Variants in ZFHX3 observed in about 807,000 individuals in gnomAD.
The protein encoded by ZFHX3 is zinc finger homeobox 3.
ZFHX3 carries 42 observed loss-of-function variants against 279.1 expected under a neutral mutation model. The observed-to-expected ratio is 0.15, with a 90% CI of 0.12 to 0.19. ZFHX3 has a LOEUF of 0.19. ZFHX3 is among the 10% of genes least tolerant of loss of function. The pLI, the probability that ZFHX3 is intolerant of heterozygous loss-of-function variation, is 1.00. For synonymous variants in ZFHX3, 2,293 were observed against 1,957.8 expected (o/e 1.17, Z -4.52); for missense variants, 4,981 against 4,754.0 (o/e 1.05, Z -1.40).
chr16:73,562,728 G>C (rs1424385329), intron 2 of ZFHX3, among the ~76,000 whole-genome samples: 2 of 138,778 alleles, frequency 1.4e-5, no homozygotes, highest in South Asian at 4.6e-4. Flanking sequence ...AAAAAAAAAA[G>C]AACAGACAAA....
chr16:73,875,106 A>G (rs1255623658), intron 1 of ZFHX3, among the ~76,000 whole-genome samples: 1 of 152,226 alleles, frequency 6.6e-6, no homozygotes, highest in African/African-American at 2.4e-5. Context: ...AATGTTTAAA[A>G]TGTTAATAAT....
intron 4 of ZFHX3, among the ~76,000 whole-genome samples, chr16:72,858,369 C>G (rs1454940307): frequency 1.3e-5 from 2 of 152,208 alleles, no homozygotes; most frequent in Non-Finnish European, 2.9e-5. Context: ...GAACACATTA[C>G]TTGGCAGAAA....
intron 4 of ZFHX3, among the ~76,000 whole-genome samples, chr16:73,318,036 A>G (rs930371682): frequency 2.0e-5 from 3 of 152,244 alleles, no homozygotes; most frequent in African/African-American, 4.8e-5. Context: ...TACAGAGGAT[A>G]AGAATGCAAA....
Position 72,783,877 on chromosome 16 carries a change from T to C in ZFHX3, c.*3287A>G, listed in dbSNP as rs1397631878. ...CAAACAGTTGAGCATTGTAGTGAAT[T>C]CATGCTTTGTAAATAGTACTGGTCA... On this transcript the variant is annotated 3_prime_UTR_variant, in exon 10 of 10. Transcript: ENST00000268489. The C allele has an allele frequency of 6.6e-6, 1 of 152,236 alleles. No individual in the cohort carries two copies. The highest frequency in any genetic ancestry group is 1.9e-4 in the East Asian group (1 of 5,202). The allele number at this position is 152,236 out of a possible 1,614,324, so 9.4% of individuals were successfully genotyped here.
chr16:73,803,511 T>C (rs1303403254), intron 1 of ZFHX3, among the ~76,000 whole-genome samples: 1 of 152,236 alleles, frequency 6.6e-6, no homozygotes, highest in Non-Finnish European at 1.5e-5. Flanking sequence ...TTTGACATGA[T>C]AATCACATTT....
chr16:72,946,140 C>G (rs1035418888), intron 3 of ZFHX3, among the ~76,000 whole-genome samples: 9 of 152,220 alleles, frequency 5.9e-5, no homozygotes, highest in Non-Finnish European at 1.0e-4. Flanking sequence ...TTCTTCCGTA[C>G]TGCACAATCC....
At chr16:72,995,979 C>G (rs757239121) in intron 1 of ZFHX3, among the ~76,000 whole-genome samples, 5 of 152,172 alleles carry the variant, frequency 3.3e-5, no homozygotes, top group Non-Finnish European at 7.3e-5. Context: ...TTCATACGTT[C>G]TTTTACTGCC....
chr16:73,253,759 C>G (rs1473338790), intron 5 of ZFHX3, among the ~76,000 whole-genome samples: 1 of 152,010 alleles, frequency 6.6e-6, no homozygotes, highest in Non-Finnish European at 1.5e-5. Context: ...CCAGCCGGTT[C>G]TACGATTTTC....
chr16:73,701,951 A>G (rs2053252393), intron 1 of ZFHX3, among the ~76,000 whole-genome samples: 1 of 152,170 alleles, frequency 6.6e-6, no homozygotes, highest in South Asian at 2.1e-4. Flanking sequence ...GGAGAAGAGA[A>G]GCAAAAGGGT....
chr16:72,881,165 C>G (rs988882451), intron 4 of ZFHX3, among the ~76,000 whole-genome samples: 1 of 152,216 alleles, frequency 6.6e-6, no homozygotes, highest in Non-Finnish European at 1.5e-5. Context: ...CTCTAGAAAT[C>G]TGTATTGTCT....
intron 5 of ZFHX3, among the ~76,000 whole-genome samples, chr16:73,203,727 T>C (rs1283751238): frequency 3.3e-5 from 5 of 152,330 alleles, no homozygotes; most frequent in South Asian, 2.1e-4. Context: ...TAGCTAACAC[T>C]TACTGAGCAC....
intron 3 of ZFHX3, among the ~76,000 whole-genome samples, chr16:73,404,818 T>C (rs1005858531): frequency 1.3e-5 from 2 of 152,186 alleles, no homozygotes; most frequent in African/African-American, 4.8e-5. Context: ...CCTGTTACCA[T>C]TTCCTAAGTG....
chr16:72,801,071 G>T (rs1319438538), intron 7 of ZFHX3, among the ~76,000 whole-genome samples: 1 of 152,196 alleles, frequency 6.6e-6, no homozygotes, highest in Admixed American at 6.5e-5. Context: ...AAGATCAAAG[G>T]TTCTTCATTC....
At chr16:73,488,339 A>G (rs1385551352) in intron 2 of ZFHX3, among the ~76,000 whole-genome samples, 3 of 152,176 alleles carry the variant, frequency 2.0e-5, no homozygotes, top group Non-Finnish European at 2.9e-5. Context: ...AGTGCTGATG[A>G]AAAGAGCAAC....
chr16:73,161,897 G>A (rs899671472), intron 5 of ZFHX3, among the ~76,000 whole-genome samples: 1 of 152,172 alleles, frequency 6.6e-6, no homozygotes, highest in Admixed American at 6.5e-5. Context: ...TTTCAACTGA[G>A]AAGAAGAGGG....
intron 3 of ZFHX3, among the ~76,000 whole-genome samples, chr16:73,328,003 C>CG (rs1567451697): frequency 6.6e-6 from 1 of 152,148 alleles, no homozygotes; most frequent in Non-Finnish European, 1.5e-5. Context: ...AGCTCAGGAT[C>CG]GGGGGGAACA....
chr16:73,061,612 A>G (rs1256700434), upstream of ZFHX3: 1 of 152,018 alleles, frequency 6.6e-6, no homozygotes, highest in Non-Finnish European at 1.5e-5. Context: ...AGACTGGTAA[A>G]TTCTGAATTT....
intron 4 of ZFHX3, among the ~76,000 whole-genome samples, chr16:73,266,358 A>G (rs948205326): frequency 2.6e-5 from 4 of 152,188 alleles, no homozygotes; most frequent in Non-Finnish European, 2.9e-5. Context: ...TATAGTTTAT[A>G]TTATTTCTAT....
intron 2 of ZFHX3, among the ~76,000 whole-genome samples, chr16:73,458,325 A>ACTTCCTCCCTCC (rs1424016777): frequency 2.6e-5 from 3 of 115,416 alleles, no homozygotes; most frequent in Non-Finnish European, 3.5e-5. Flanking sequence ...TTCCTCCCTC[A>ACTTCCTCCCTCC]CTTCCTCCCT....
Sources: gnomAD v4.1 joint callset for allele counts (sites outside exome capture counted in the v4.1 genomes callset) on GRCh38, gnomAD v4.1.1 for gene constraint, MANE v1.5 for transcripts, NCBI Gene and HGNC (gene_info 2026-07-23, HGNC 2026-07-21) for gene names.